The following FAM227B variants were observed in gnomAD, a reference collection of about 807,000 sequenced individuals.
FAM227B encodes the protein family with sequence similarity 227 member B, also known as protein FAM227B.
Under a neutral mutation model 73.8 loss-of-function variants are expected in FAM227B, and 88 were observed. The ratio of observed to expected loss-of-function variants is 1.19; its 90% confidence interval spans 1.00 to 1.42. FAM227B has a LOEUF of 1.42. Ranked by LOEUF, FAM227B falls within the 40% of genes most tolerant of loss-of-function variation. The pLI is 0.00. For missense variants in FAM227B, 632 were observed against 590.9 expected (o/e 1.07, Z -0.72); for synonymous variants, 210 against 190.5 (o/e 1.10, Z -0.84).
At chr15:49,559,786 T>G (rs141379685) in intron 9 of FAM227B, among the ~76,000 whole-genome samples, 2,505 of 151,964 alleles carry the variant, frequency 0.016, 33 homozygotes, top group Middle Eastern at 0.037. Context: ...AATACAAAAA[T>G]TAGCAGGGCG....
chr15:49,603,270 C>A (rs550731279), intron 3 of FAM227B, among the ~76,000 whole-genome samples: 2 of 152,098 alleles, frequency 1.3e-5, no homozygotes, highest in Non-Finnish European at 2.9e-5. Flanking sequence ...TATTCCAATC[C>A]ATAAACATGG....
chr15:49,600,369 T>C (rs2077117022), intron 3 of FAM227B, among the ~76,000 whole-genome samples: 2 of 150,516 alleles, frequency 1.3e-5, no homozygotes, highest in East Asian at 1.9e-4. Context: ...TTTTTTTAAA[T>C]CCGGCCAGGC....
At chr15:49,422,009 G>A (rs2151735830) in intron 11 of FAM227B, among the ~76,000 whole-genome samples, 1 of 151,996 alleles carries the variant, frequency 6.6e-6, no homozygotes, top group East Asian at 1.9e-4. Flanking sequence ...TTCCCTAAAG[G>A]GACAGATACA....
chr15:49,519,109 T>C (rs1427660997), intron 10 of FAM227B, among the ~76,000 whole-genome samples: 1 of 152,256 alleles, frequency 6.6e-6, no homozygotes, highest in Non-Finnish European at 1.5e-5. Flanking sequence ...ATCTTAAAGC[T>C]TCAAAATGAT....
At chr15:49,430,508 G>A (rs969932947) in intron 11 of FAM227B, among the ~76,000 whole-genome samples, 1 of 151,814 alleles carries the variant, frequency 6.6e-6, no homozygotes, top group African/African-American at 2.4e-5. Flanking sequence ...GGCTTAGTCT[G>A]CTTTGTGTTG....
At chr15:49,408,159 GAA>G (rs2048645227) in intron 11 of FAM227B, among the ~76,000 whole-genome samples, 1 of 152,144 alleles carries the variant, frequency 6.6e-6, no homozygotes, top group Admixed American at 6.5e-5. Flanking sequence ...TTATTTGCAA[GAA>G]AACGTTTTTA....
At chr15:49,384,784 A>G (rs1259740418) in intron 11 of FAM227B, among the ~76,000 whole-genome samples, 2 of 152,036 alleles carry the variant, frequency 1.3e-5, no homozygotes, top group Non-Finnish European at 2.9e-5. Flanking sequence ...TAAAGTATTA[A>G]TAATTCCCTT....
chr15:49,376,965 A>C (rs1323203020), intron 11 of FAM227B, among the ~76,000 whole-genome samples: 1 of 151,982 alleles, frequency 6.6e-6, no homozygotes, highest in African/African-American at 2.4e-5. Context: ...ACTAGGTCTT[A>C]TTCATTTTTT....
At chr15:49,432,527 G>A (rs2050708802) in intron 11 of FAM227B, among the ~76,000 whole-genome samples, 1 of 151,646 alleles carries the variant, frequency 6.6e-6, no homozygotes, top group African/African-American at 2.4e-5. Flanking sequence ...CTTAGTCCCT[G>A]GTTTGGGTGG....
intron 11 of FAM227B, among the ~76,000 whole-genome samples, chr15:49,467,864 G>A (rs1356036352): frequency 1.3e-5 from 2 of 152,236 alleles, no homozygotes; most frequent in South Asian, 4.1e-4. Flanking sequence ...TAAGGAAAAC[G>A]ATCAGTAAAT....
chr15:49,547,506 C>T (rs1485963607), intron 9 of FAM227B, among the ~76,000 whole-genome samples: 1 of 152,088 alleles, frequency 6.6e-6, no homozygotes, highest in Admixed American at 6.6e-5. Context: ...AGAGTCAAGA[C>T]CCATCAGTGT....
At chr15:49,388,136 A>G (rs1485082548) in intron 11 of FAM227B, among the ~76,000 whole-genome samples, 1 of 151,912 alleles carries the variant, frequency 6.6e-6, no homozygotes, top group Non-Finnish European at 1.5e-5. Flanking sequence ...AACAATCCTA[A>G]AATTCATATG....
chr15:49,337,751 T>G (rs1360749902), intron 13 of FAM227B, among the ~76,000 whole-genome samples: 1 of 151,918 alleles, frequency 6.6e-6, no homozygotes, highest in Non-Finnish European at 1.5e-5. Flanking sequence ...TTCCCACTTA[T>G]GAGTGAGAAC....
intron 9 of FAM227B, among the ~76,000 whole-genome samples, chr15:49,550,568 G>C (rs2072813645): frequency 1.3e-5 from 2 of 151,902 alleles, no homozygotes; most frequent in Admixed American, 6.5e-5. Flanking sequence ...TCTCAGACGG[G>C]GCGGCTGGGC....
chr15:49,348,632 T>C (rs960527324), intron 13 of FAM227B, among the ~76,000 whole-genome samples: 5 of 152,194 alleles, frequency 3.3e-5, no homozygotes, highest in Admixed American at 3.3e-4. Context: ...TAGGTTTTGT[T>C]TACTTTCTCC....
At chr15:49,541,485 A>G (rs1051862724) in intron 10 of FAM227B, among the ~76,000 whole-genome samples, 195 bp downstream of exon 10, 1 of 152,148 alleles carries the variant, frequency 6.6e-6, no homozygotes, top group African/African-American at 2.4e-5. Context: ...TCTAAATTTA[A>G]TAAGTAATTA....
intron 13 of FAM227B, chr15:49,366,170 A>G: frequency 1.1e-6 from 1 of 890,100 alleles, no homozygotes; most frequent in South Asian, 1.3e-5. Context: ...AATAACCACC[A>G]TAGTATAATC....
chr15:49,611,311 T>C (rs2153332124), intron 2 of FAM227B, 43 bp from the exon 3 acceptor site: 1 of 1,017,628 alleles, frequency 9.8e-7, no homozygotes, highest in Non-Finnish European at 1.5e-6. Context: ...ATAAACTCAC[T>C]AGACTGTTCA....
intron 15 of FAM227B, chr15:49,328,966 C>T: frequency 3.7e-6 from 4 of 1,073,246 alleles, no homozygotes; most frequent in Non-Finnish European, 4.5e-6. Context: ...AAAGAATTAT[C>T]TAGATGATAA....
Sources: allele counts gnomAD v4.1 joint callset (sites outside exome capture counted in the v4.1 genomes callset), GRCh38; gene constraint gnomAD v4.1.1; transcripts MANE v1.5; gene names NCBI Gene and HGNC (gene_info 2026-07-23, HGNC 2026-07-21).